The following PLEC variants were observed in gnomAD, a reference collection of about 807,000 sequenced individuals.
The protein encoded by PLEC is hemidesmosomal protein 1.
PLEC carries 216 observed loss-of-function variants against 392.8 expected under a neutral mutation model. That is an observed-to-expected ratio of 0.55 (90% CI 0.49 to 0.62). The LOEUF (loss-of-function observed/expected upper bound fraction) is 0.62. Among genes scored for constraint, PLEC ranks in the 20% least tolerant of loss-of-function variants. The pLI, the probability that PLEC is intolerant of heterozygous loss-of-function variation, is 0.00. For missense variants in PLEC, 6,863 were observed against 6,563.4 expected (o/e 1.05, Z -1.58); for synonymous variants, 3,621 against 2,980.6 (o/e 1.21, Z -7.00).
chr8:143,943,703 C>A, upstream of PLEC: 3 of 1,358,676 alleles, frequency 2.2e-6, no homozygotes, highest in Non-Finnish European at 3.1e-6. Flanking sequence ...GGGGAGGGCG[C>A]AGGGAATGAA....
In PLEC at chr8:143,922,394, A is replaced by G; in HGVS notation, c.7427T>C (p.Met2476Thr). 4 of 1,601,574 alleles carry G rather than the reference A, an allele frequency of 2.5e-6. No homozygotes were observed. The highest frequency in any genetic ancestry group is 1.7e-6 in the Non-Finnish European group (2 of 1,179,890). ...AKLLQLKSEEMQTVQQEQLLQ... is the reference protein window; with the variant it reads ...AKLLQLKSEETQTVQQEQLLQ... ...CAGCTGCTCCTGCTGCACCGTCTGC[A>G]TCTGCAGAAGAAGAGGGTGTGATCA... Residue 2476 changes from methionine (M) to threonine (T), a missense_variant and splice_region_variant, in exon 32 of 32, where the codon ATG (methionine) becomes ACG (threonine). Physicochemically the swap from Met to Thr is moderately conservative, Grantham distance 81. Coordinates refer to ENST00000345136, the MANE Select transcript of PLEC (RefSeq NM_201384.3).
chr8:143,924,011 C>T lies in PLEC; in HGVS notation c.5918G>A (p.Arg1973Gln), dbSNP rs782680523. The T allele has an allele frequency of 4.0e-5, 63 of 1,588,054 alleles. No homozygotes were observed. The highest frequency in any genetic ancestry group is 4.9e-5 in the Non-Finnish European group (57 of 1,173,412). ...EQAELEAARQRQLAAEEERRR... is the reference protein window; with the variant it reads ...EQAELEAARQQQLAAEEERRR... Reference sequence around the variant, plus strand: ...CCGCTCCTCCTCCGCCGCCAGCTGCCGCTGCCTCGCAGCCTCCAGCTCGGC... The same window carrying T: ...CCGCTCCTCCTCCGCCGCCAGCTGCTGCTGCCTCGCAGCCTCCAGCTCGGC... The change falls in exon 31 of 32, where the codon CGG becomes CAG. Residue 1973 changes from arginine to glutamine, a missense_variant. Physicochemically the swap from Arg to Gln is conservative, Grantham distance 43. Coordinates refer to ENST00000345136, the MANE Select transcript of PLEC (RefSeq NM_201384.3).
At position 143,917,739 on chromosome 8, in the gene PLEC, C is replaced by T. The variant is rs1554672983; in HGVS notation, c.12082G>A (p.Ala4028Thr). 3 of 1,613,496 alleles carry T rather than the reference C, an allele frequency of 1.9e-6. No individual in the cohort carries two copies. The highest frequency in any genetic ancestry group is 1.7e-6 in the Non-Finnish European group (2 of 1,180,030). ...TTCAGGATCAGGCCCTTCTTCATGG[C>T]CTGGAAGAGGGAGATGAGCTTCCCA... The part of the protein sequence containing the change: ...YSGKLISLFQ[A>T]MKKGLILKDH... The change falls in exon 32 of 32, where the codon GCC becomes ACC. Residue 4028 changes from alanine (A) to threonine (T), a missense_variant. Ala to Thr is a moderately conservative substitution (Grantham distance 58). Coordinates refer to ENST00000345136, the MANE Select transcript of PLEC (RefSeq NM_201384.3).
rs782529338 is a variant in PLEC at position 143,925,513 on chromosome 8, C to T, written c.4416G>A (p.Glu1472=). 3.8e-6 allele frequency: 6 copies of T among 1,595,770 alleles called. No individual in the cohort carries two copies. In the African/African-American group the frequency reaches 6.7e-5, roughly 18 times the overall value. ...GTGCACGCAGTGCCTGCAGCTCCCC[C>T]TCAGCCCCGCCACGCTGGCGCTCGG... ...EATERQRGGA[E]GELQALRARA... is the part of the protein sequence containing the mutation. The change falls in exon 31 of 32, where the codon GAG becomes GAA. Residue 1472 remains glutamate, a synonymous_variant. Coordinates refer to ENST00000345136, the MANE Select transcript of PLEC (RefSeq NM_201384.3).
chr8:143,929,321 G>T, intron 24 of PLEC, 40 bp from the exon 25 acceptor site: 1 of 1,592,008 alleles, frequency 6.3e-7, no homozygotes, highest in Non-Finnish European at 8.5e-7. Flanking sequence ...ATCACCGAGC[G>T]CAGCACACAG....
rs1554671393 is a variant in PLEC at position 143,917,195 on chromosome 8, A to G, written c.12626T>C (p.Ile4209Thr). ...CGAGCGGTCGATGAGGTTCTTGGCGATGGCATCATCGATGTCGTACTGGCG... is the reference window on the plus strand; with the variant it reads ...CGAGCGGTCGATGAGGTTCTTGGCGGTGGCATCATCGATGTCGTACTGGCG... ...SGRQYDIDDA[I>T]AKNLIDRSAL... The change falls in exon 32 of 32, where the codon ATC becomes ACC. Residue 4209 changes from isoleucine (I) to threonine (T), a missense_variant. Coordinates refer to ENST00000345136, the MANE Select transcript of PLEC (RefSeq NM_201384.3). 6.2e-7 allele frequency: 1 copy of G among 1,612,840 alleles called. No homozygotes were observed. The highest frequency in any genetic ancestry group is 1.7e-5 in the Admixed American group (1 of 60,026).
Position 143,918,790 on chromosome 8 carries a change from G to A in PLEC, c.11031C>T (p.Leu3677=), listed in dbSNP as rs376779580. ...REGTRSLREA[L]EAESAWCYLY... ...GGTAGCACCAGGCGGACTCCGCCTC[G>A]AGAGCCTCACGGAGGCTCCTGGTGC... is the stretch of plus-strand genomic sequence containing the variant. Residue 3677 remains leucine (L), a synonymous_variant, in exon 32 of 32, where the codon CTC becomes CTT. Transcript: ENST00000345136. 4.3e-5 allele frequency: 69 copies of A among 1,613,134 alleles called. No individual in the cohort carries two copies. In the African/African-American group the frequency reaches 5.1e-4, roughly 12 times the overall value.
In PLEC at chr8:143,920,260, C is replaced by T. The variant is rs1381719601; in HGVS notation, c.9561G>A (p.Gly3187=). ...DAKAYSDPST[G]EPATYGELQQ... is the part of the protein sequence containing the mutation. ...GGAGCTCGCCGTAGGTGGCCGGCTC[C>T]CCTGTGCTGGGGTCACTGTAGGCCT... Residue 3187 remains glycine, a synonymous_variant, in exon 32 of 32, where the codon GGG becomes GGA. Coordinates refer to ENST00000345136, the MANE Select transcript of PLEC (RefSeq NM_201384.3). 1 of 1,597,626 alleles carries T rather than the reference C, an allele frequency of 6.3e-7. No individual in the cohort carries two copies. The highest frequency in any genetic ancestry group is 8.5e-7 in the Non-Finnish European group (1 of 1,177,514).
At chr8:143,963,028 C>T (rs934345975) in intron 1 of PLEC, among the ~76,000 whole-genome samples, 7 of 152,186 alleles carry the variant, frequency 4.6e-5, no homozygotes, top group Non-Finnish European at 1.0e-4. Context: ...GGTCCATTCA[C>T]TCATCTCAAC....
rs1586742531 is a variant in PLEC, at chr8:143,916,258, G to A, written c.13563C>T (p.Ser4521=). Residue 4521 remains serine (S), a synonymous_variant, in exon 32 of 32, where the codon TCC becomes TCT. Transcript: ENST00000345136. Reference sequence around the variant, plus strand: ...GGCGGCCGTAGCCCGAGGAGGAGTAGGAGGATGAAGAGAAGGTCATGGAGA... The same window carrying A: ...GGCGGCCGTAGCCCGAGGAGGAGTAAGAGGATGAAGAGAAGGTCATGGAGA... The part of the protein sequence containing the change: ...SGFSMTFSSS[S]YSSSGYGRRY... 9.7e-6 allele frequency: 15 copies of A among 1,549,888 alleles called. No homozygotes were observed. In the East Asian group the frequency reaches 1.7e-4, roughly 18 times the overall value.
rs188154081 is a variant in PLEC at position 143,923,629 on chromosome 8, C to T, written c.6300G>A (p.Ala2100=). 5.2e-4 allele frequency: 832 copies of T among 1,586,294 alleles called. 1 individual carries two copies. Among genetic ancestry groups the T allele is most frequent in the Non-Finnish European group, 6.7e-4 (783 of 1,173,642 alleles). ...GCCGGGACTGCGCCGCCTCACGCTCCGCCTGCACCCGGGCCTCCTCCGCCT... is the reference window on the plus strand; with the variant it reads ...GCCGGGACTGCGCCGCCTCACGCTCTGCCTGCACCCGGGCCTCCTCCGCCT... ...AEEAEEARVQ[A]EREAAQSRRQ... is the part of the protein sequence containing the mutation. Residue 2100 remains alanine (A), a synonymous_variant, in exon 31 of 32, where the codon GCG becomes GCA. Transcript: ENST00000345136.
At chr8:143,945,289 A>C in intron 1 of PLEC, 1 of 460,324 alleles carries the variant, frequency 2.2e-6, no homozygotes, top group African/African-American at 2.1e-5. Context: ...CTGGGGTCCC[A>C]GGGATCTGGG....
intron 1 of PLEC, among the ~76,000 whole-genome samples, chr8:143,970,062 C>T (rs1333328332): frequency 1.3e-5 from 2 of 152,100 alleles, no homozygotes; most frequent in Admixed American, 6.5e-5. Context: ...TGGCCCCCTC[C>T]TCATGTGTCC....
Position 143,925,749 on chromosome 8 carries a change from G to C in PLEC, c.4180C>G (p.Gln1394Glu). 1 of 1,594,206 alleles carries C rather than the reference G, an allele frequency of 6.3e-7. No homozygotes were observed. Among genetic ancestry groups the C allele is most frequent in the Non-Finnish European group, 8.5e-7 (1 of 1,177,336 alleles). ...AQAEREAKEL[Q>E]QRMQEEVVRR... ...ACCACCTCCTCCTGCATGCGCTGCTGCAGCTCCTTCGCCTCCCGCTCCGCC... is the reference window on the plus strand; with the variant it reads ...ACCACCTCCTCCTGCATGCGCTGCTCCAGCTCCTTCGCCTCCCGCTCCGCC... Residue 1394 changes from glutamine (Q) to glutamate (E), a missense_variant, in exon 31 of 32, where the codon CAG (glutamine) becomes GAG (glutamate). Physicochemically the swap from Gln to Glu is conservative, Grantham distance 29. Transcript: ENST00000345136.
In PLEC at chr8:143,927,627, C is replaced by T. The variant is rs782477789; in HGVS notation, c.3539G>A (p.Arg1180Gln). ...RDVEVERWRE[R>Q]VAQLLERWQA... ...CCAGCGCTCAAGCAACTGGGCGACCCGCTCCCGCCAGCGCTCCACCTCCAC... is the reference window on the plus strand; with the variant it reads ...CCAGCGCTCAAGCAACTGGGCGACCTGCTCCCGCCAGCGCTCCACCTCCAC... Residue 1180 changes from arginine to glutamine, a missense_variant, in exon 27 of 32, where the codon CGG becomes CAG. Coordinates refer to ENST00000345136, the MANE Select transcript of PLEC (RefSeq NM_201384.3). 31 of 1,584,706 alleles carry T rather than the reference C, an allele frequency of 2.0e-5. No individual in the cohort carries two copies. The highest frequency in any genetic ancestry group is 9.2e-5 in the East Asian group (4 of 43,672).
In PLEC at chr8:143,917,155, G is replaced by T; in HGVS notation, c.12666C>A (p.Tyr4222Ter). The stretch of plus-strand genomic sequence containing the variant: ...CGGTGATGGAGAGCGTGCCGGCGCG[G>T]TACTGGTCCAGTGCCGAGCGGTCGA... ...NLIDRSALDQ[Y>*]RAGTLSITEF... Residue 4222 changes from tyrosine to a stop codon, truncating the protein, a stop_gained, in exon 32 of 32, where the codon TAC becomes TAA. Transcript: ENST00000345136. LOFTEE classifies it high-confidence loss of function. 1 of 1,609,920 alleles carries T rather than the reference G, an allele frequency of 6.2e-7. No individual in the cohort carries two copies. The highest frequency in any genetic ancestry group is 8.5e-7 in the Non-Finnish European group (1 of 1,177,158).
chr8:143,950,379 C>T (rs782783624), exon 1 of PLEC: 39 of 1,597,154 alleles, frequency 2.4e-5, no homozygotes, highest in Non-Finnish European at 3.1e-5. Context: ...GTGCGGCGTG[C>T]GGGCATCACC....
Position 143,932,943 on chromosome 8 carries a change from C to A in PLEC, c.1587G>T (p.Leu529=). 6.2e-7 allele frequency: 1 copy of A among 1,612,694 alleles called. No homozygotes were observed. Among genetic ancestry groups the A allele is most frequent in the Non-Finnish European group, 8.5e-7 (1 of 1,179,924 alleles). Residue 529 remains leucine, a synonymous_variant, in exon 14 of 32, where the codon CTG becomes CTT. Transcript: ENST00000345136. ...GGTGCTGGTTCTCCTCCACCCAGGC[C>A]AGCAGGTCCTGCAGGTAGCGCAGAG... ...DSTLRYLQDL[L]AWVEENQHRV...
Position 143,925,801 on chromosome 8 carries a change from G to C in PLEC, c.4128C>G (p.Ala1376=). 6.4e-7 allele frequency: 1 copy of C among 1,572,130 alleles called. No individual in the cohort carries two copies. Among genetic ancestry groups the C allele is most frequent in the Non-Finnish European group, 8.6e-7 (1 of 1,166,666 alleles). ...GTGCCTTTGCCTGGGCGTGCGCCTC[G>C]GCCAGCTGCCGCTGCTTCTCCAGCG... ...EAALEKQRQL[A]EAHAQAKAQA... The change falls in exon 31 of 32, where the codon GCC becomes GCG. Residue 1376 remains alanine, a synonymous_variant. Transcript: ENST00000345136.
Sources: allele counts gnomAD v4.1 joint callset (sites outside exome capture counted in the v4.1 genomes callset), GRCh38; gene constraint gnomAD v4.1.1; transcripts MANE v1.5; gene names NCBI Gene and HGNC (gene_info 2026-07-23, HGNC 2026-07-21).